Variants in CDS2 observed in about 807,000 individuals in gnomAD.
CDS2 encodes CDP-diacylglycerol synthase 2, also known as phosphatidate cytidylyltransferase 2.
CDS2 carries 47 observed loss-of-function variants against 59.0 expected under a neutral mutation model. The ratio of observed to expected loss-of-function variants is 0.80; its 90% CI spans 0.63 to 1.02. CDS2 has a LOEUF of 1.02. CDS2 is among the 50% of genes least tolerant of loss of function. The pLI is 0.00. For synonymous variants in CDS2, 207 were observed against 206.4 expected (o/e 1.00, Z -0.02); for missense variants, 356 against 558.9 (o/e 0.64, Z 3.66).
At chr20:5,162,411 A>G (rs1350148366) in intron 1 of CDS2, among the ~76,000 whole-genome samples, 1 of 152,126 alleles carries the variant, frequency 6.6e-6, no homozygotes, top group African/African-American at 2.4e-5. Flanking sequence ...TTCAATCGCT[A>G]CCTCTCAGGT....
chr20:5,178,999 T>C, intron 5 of CDS2, 43 bp downstream of exon 5: 1 of 1,588,648 alleles, frequency 6.3e-7, no homozygotes, highest in Non-Finnish European at 8.6e-7. Flanking sequence ...CTGTATTGTT[T>C]TTGTATGTCT....
chr20:5,144,510 A>G (rs966387733), intron 1 of CDS2, among the ~76,000 whole-genome samples: 5 of 152,134 alleles, frequency 3.3e-5, no homozygotes, highest in Admixed American at 6.6e-5. Flanking sequence ...ATGATGGCCA[A>G]CCTTGGTGGA....
intron 1 of CDS2, among the ~76,000 whole-genome samples, chr20:5,153,395 T>C (rs2090808349): frequency 6.6e-6 from 1 of 152,226 alleles, no homozygotes; most frequent in Admixed American, 6.5e-5. Context: ...GCGTCTCTCC[T>C]GATGTCTCCT....
At chr20:5,127,235 T>C (rs1328347641) in intron 1 of CDS2, 86 bp downstream of exon 1, 2 of 1,200,910 alleles carry the variant, frequency 1.7e-6, no homozygotes, top group African/African-American at 1.6e-5. Flanking sequence ...GGTCGTCTTG[T>C]TCTCTGACCC....
At chr20:5,174,447 C>T (rs2090979225) in intron 2 of CDS2, among the ~76,000 whole-genome samples, 1 of 152,122 alleles carries the variant, frequency 6.6e-6, no homozygotes, top group Admixed American at 6.5e-5. Flanking sequence ...ATAAAATTAC[C>T]TTACTCAGGC....
In CDS2 at chr20:5,175,056, G is replaced by A. The variant is rs113356517; in HGVS notation, c.195-127G>A. On this transcript the variant is annotated intron_variant, in intron 2 of 12. Transcript: ENST00000460006. ...AGCATGTGGCTGGTGCCTCCGTCAC[G>A]GTGAATCTGGAAAGGACTGAGCTCA... is the stretch of plus-strand genomic sequence containing the variant. 1.1e-4 allele frequency: 75 copies of A among 701,126 alleles called. 1 individual carries two copies. Among genetic ancestry groups the A allele is most frequent in the African/African-American group, 6.1e-4 (34 of 56,178 alleles). The allele number at this position is 701,126 out of a possible 1,614,324, so 43.4% of individuals were successfully genotyped here. A position where few individuals can be genotyped will look rare whatever the true frequency, so the allele number is the denominator to read the frequency against.
Position 5,171,023 on chromosome 20 carries a change from G to A in CDS2, c.58-2500G>A, listed in dbSNP as rs549443794. Among the ~76,000 whole-genome samples the A allele has an allele frequency of 1.4e-4, 21 of 152,356 alleles. No individual in the cohort carries two copies. The East Asian group carries it at 3.9e-3, about 28-fold the overall frequency. ...CTTAGTTGTTCAGCTCAGTCCGCCT[G>A]AGGTCTTGGTAACAATAGTTGCGAT... On this transcript the variant is annotated intron_variant, in intron 1 of 12. Coordinates refer to ENST00000460006, the MANE Select transcript of CDS2 (RefSeq NM_003818.4).
rs563520991 is a variant in CDS2, at chr20:5,191,937, A to G, written c.*1703A>G. The G allele has an allele frequency of 6.6e-6, 1 of 152,280 alleles. No individual in the cohort carries two copies. Among genetic ancestry groups the G allele is most frequent in the East Asian group, 1.9e-4 (1 of 5,178 alleles). The allele number at this position is 152,280 out of a possible 1,614,324, so 9.4% of individuals were successfully genotyped here. On this transcript the variant is annotated 3_prime_UTR_variant, in exon 13 of 13. Transcript: ENST00000460006. ...GGCCTCTTTTTCGGAGCTACTCCCA[A>G]TTCCACTCTTCTGTGATTCTGGCTG...
intron 10 of CDS2, 78 bp from the exon 11 acceptor site, chr20:5,188,989 T>G: frequency 1.3e-6 from 2 of 1,583,038 alleles, no homozygotes; most frequent in Admixed American, 3.4e-5. Context: ...AGGATCAAAT[T>G]TCAACATGAG....
chr20:5,146,098 C>T (rs752110984), intron 1 of CDS2, among the ~76,000 whole-genome samples: 2 of 152,196 alleles, frequency 1.3e-5, no homozygotes, highest in African/African-American at 4.8e-5. Context: ...GTTGGGATTA[C>T]AGACATGAAC....
At chr20:5,145,245 C>A (rs1312740153) in intron 1 of CDS2, among the ~76,000 whole-genome samples, 3 of 115,980 alleles carry the variant, frequency 2.6e-5, no homozygotes, top group South Asian at 4.1e-4. Context: ...GACCCCCCCC[C>A]CCGCCCCCGC....
intron 1 of CDS2, among the ~76,000 whole-genome samples, chr20:5,154,606 G>GTGCTGAAGGAGCATTCCAGTA (rs1197630633): frequency 2.0e-5 from 3 of 152,206 alleles, no homozygotes; most frequent in African/African-American, 7.2e-5. Flanking sequence ...GCATTCCAGT[G>GTGCTGAAGGAGCATTCCAGTA]TGCTGTCCAG....
At chr20:5,158,064 A>G (rs2090847290) in intron 1 of CDS2, among the ~76,000 whole-genome samples, 1 of 151,768 alleles carries the variant, frequency 6.6e-6, no homozygotes, top group African/African-American at 2.4e-5. Context: ...TTAGCTTATC[A>G]GCTATCGTTA....
intron 1 of CDS2, among the ~76,000 whole-genome samples, chr20:5,149,782 C>T (rs1460500871): frequency 6.6e-6 from 1 of 151,962 alleles, no homozygotes; most frequent in African/African-American, 2.4e-5. Context: ...GTGGCGTGAT[C>T]TTGACTCACT....
At chr20:5,166,239 A>G (rs1389395753) in intron 1 of CDS2, among the ~76,000 whole-genome samples, 2 of 152,156 alleles carry the variant, frequency 1.3e-5, no homozygotes, top group East Asian at 1.9e-4. Context: ...TTTTGGAGGT[A>G]GCATGAACAA....
intron 10 of CDS2, chr20:5,187,230 A>G (rs1207767464): frequency 2.3e-5 from 5 of 214,748 alleles, no homozygotes; most frequent in Non-Finnish European, 4.9e-5. Context: ...GCGTTAAGGC[A>G]GTGGGTTCCT....
chr20:5,178,907 G>T lies in CDS2; in HGVS notation c.480G>T (p.Arg160=), dbSNP rs1428362113. 1.2e-6 allele frequency: 2 copies of T among 1,614,086 alleles called. No homozygotes were observed. Among genetic ancestry groups the T allele is most frequent in the East Asian group, 2.2e-5 (1 of 44,878 alleles). The change falls in exon 5 of 13, where the codon CGG becomes CGT. Residue 160 remains arginine (R), a synonymous_variant. Coordinates refer to ENST00000460006, the MANE Select transcript of CDS2 (RefSeq NM_003818.4). ...FTLVQREEPL[R]ILSKYHRFIS... ...TGGTCCAGAGAGAAGAGCCTTTGCG[G>T]ATTCTCAGTAAATACCACCGGTTCA...
chr20:5,175,431 C>T (rs769754619), intron 3 of CDS2, 152 bp downstream of exon 3: 34 of 621,448 alleles, frequency 5.5e-5, no homozygotes, highest in Non-Finnish European at 8.4e-5. Context: ...TGACTTCCCA[C>T]TTCTCAGTAG....
intron 9 of CDS2, 97 bp downstream of exon 9, chr20:5,185,923 C>T: frequency 8.7e-7 from 1 of 1,143,186 alleles, no homozygotes. Context: ...TCTTTGGAGG[C>T]CAGGACTGTC....
Sources: allele counts gnomAD v4.1 joint callset (sites outside exome capture counted in the v4.1 genomes callset), GRCh38; gene constraint gnomAD v4.1.1; transcripts MANE v1.5; gene names NCBI Gene and HGNC (gene_info 2026-07-23, HGNC 2026-07-21).